Variants in DPYD observed in about 807,000 individuals in gnomAD.
DPYD encodes the protein dihydropyrimidine dehydrogenase, also known as dihydropyrimidine dehydrogenase [NADP(+)].
In DPYD, 109 loss-of-function variants were observed where a neutral mutation model predicts 116.2. The observed-to-expected ratio is 0.94, with a 90% CI of 0.80 to 1.10. The LOEUF is 1.10. Ranked by LOEUF, DPYD falls within the 50% of genes least tolerant of loss-of-function variation. The pLI is 0.00. For missense variants in DPYD, 1,302 were observed against 1,254.5 expected, an observed-to-expected ratio of 1.04 and a Z score of -0.57; for synonymous variants, 440 against 432.0, an observed-to-expected ratio of 1.02 and a Z score of -0.23.
intron 8 of DPYD, among the ~76,000 whole-genome samples, chr1:97,675,842 C>T (rs1179029630): frequency 1.3e-5 from 2 of 150,200 alleles, no homozygotes; most frequent in Non-Finnish European, 1.5e-5. Context: ...TCCACCTCCC[C>T]GGTTGAAGCG....
At chr1:97,412,819 C>T (rs1674084178) in intron 14 of DPYD, among the ~76,000 whole-genome samples, 1 of 152,086 alleles carries the variant, frequency 6.6e-6, no homozygotes, top group Non-Finnish European at 1.5e-5. Context: ...GGTTCAGAAC[C>T]TTCTGAATTA....
At chr1:97,161,757 T>G (rs1272392761) in intron 20 of DPYD, among the ~76,000 whole-genome samples, 1 of 126,442 alleles carries the variant, frequency 7.9e-6, no homozygotes, top group Admixed American at 9.1e-5. Flanking sequence ...GAGTGTGATG[T>G]TCCCCTTCCT....
chr1:97,273,478 C>A (rs1478437011), intron 18 of DPYD, among the ~76,000 whole-genome samples: 2 of 152,166 alleles, frequency 1.3e-5, no homozygotes, highest in Non-Finnish European at 2.9e-5. Flanking sequence ...ATACTGACTG[C>A]AAAATGGCAG....
intron 14 of DPYD, among the ~76,000 whole-genome samples, chr1:97,439,032 A>G (rs1426819564): frequency 6.6e-6 from 1 of 152,066 alleles, no homozygotes; most frequent in Non-Finnish European, 1.5e-5. Context: ...ACCCTTCATC[A>G]AGTTAAGGAA....
intron 13 of DPYD, among the ~76,000 whole-genome samples, chr1:97,489,824 T>C (rs1396290460): frequency 1.3e-5 from 2 of 152,204 alleles, no homozygotes; most frequent in Non-Finnish European, 2.9e-5. Flanking sequence ...CAAAGTCCCA[T>C]AGCTAATAAA....
intron 1 of DPYD, among the ~76,000 whole-genome samples, chr1:97,892,995 T>C (rs943055717): frequency 4.6e-5 from 7 of 151,772 alleles, no homozygotes; most frequent in Admixed American, 1.3e-4. Flanking sequence ...ACTTACCCCA[T>C]AGGGTTGTTG....
intron 13 of DPYD, among the ~76,000 whole-genome samples, chr1:97,451,484 T>G (rs1244617846): frequency 6.6e-6 from 1 of 152,210 alleles, no homozygotes; most frequent in Non-Finnish European, 1.5e-5. Flanking sequence ...AATATGTACA[T>G]TTTAACTTAT....
chr1:97,721,391 G>T, intron 5 of DPYD, 119 bp downstream of exon 5: 1 of 1,212,762 alleles, frequency 8.2e-7, no homozygotes, highest in Non-Finnish European at 1.2e-6. Context: ...AAACATACTT[G>T]AGCTGTGTGT....
At chr1:97,286,415 A>G (rs1489981287) in intron 18 of DPYD, among the ~76,000 whole-genome samples, 1 of 151,770 alleles carries the variant, frequency 6.6e-6, no homozygotes, top group African/African-American at 2.4e-5. Flanking sequence ...TGCTCTTCTC[A>G]AGGAGTATCT....
chr1:97,534,665 G>A (rs1026245886), intron 12 of DPYD, among the ~76,000 whole-genome samples: 4 of 151,842 alleles, frequency 2.6e-5, no homozygotes, highest in African/African-American at 4.8e-5. Context: ...ATTCTTCTGA[G>A]TAAATTATCT....
At chr1:97,912,763 C>G (rs72981734) in intron 1 of DPYD, among the ~76,000 whole-genome samples, 2,832 of 152,106 alleles carry the variant, frequency 0.019, 92 homozygotes, top group African/African-American at 0.065. Context: ...ACACACGTTA[C>G]CCCTAGAGAT....
chr1:97,815,377 T>C (rs1036265373), intron 3 of DPYD, among the ~76,000 whole-genome samples: 2 of 152,180 alleles, frequency 1.3e-5, no homozygotes, highest in African/African-American at 4.8e-5. Flanking sequence ...TGTCCTATAA[T>C]ATGTCAATAT....
chr1:97,286,194 G>C (rs1221325983), intron 18 of DPYD, among the ~76,000 whole-genome samples: 2 of 152,058 alleles, frequency 1.3e-5, no homozygotes, highest in African/African-American at 4.8e-5. Context: ...AGTTTGGCTG[G>C]ATATGAAATT....
At chr1:97,716,373 T>C (rs990806003) in intron 5 of DPYD, among the ~76,000 whole-genome samples, 1 of 151,956 alleles carries the variant, frequency 6.6e-6, no homozygotes, top group Admixed American at 6.6e-5. Flanking sequence ...TATATAAAAA[T>C]ATAAAACTGT....
At chr1:97,323,254 T>TATATACATGTGTATATGTACACGTA (rs1491230922) in intron 16 of DPYD, among the ~76,000 whole-genome samples, 1 of 98,148 alleles carries the variant, frequency 1.0e-5, no homozygotes, top group Admixed American at 1.1e-4. Flanking sequence ...ATTTATATAC[T>TATATACATGTGTATATGTACACGTA]TATATACATA....
At chr1:97,904,286 G>T (rs891143132) in intron 1 of DPYD, among the ~76,000 whole-genome samples, 1 of 151,980 alleles carries the variant, frequency 6.6e-6, no homozygotes, top group African/African-American at 2.4e-5. Context: ...ATTCAGAAAT[G>T]ATTATACAGG....
At chr1:97,815,232 T>C (rs1290290618) in intron 3 of DPYD, among the ~76,000 whole-genome samples, 1 of 152,104 alleles carries the variant, frequency 6.6e-6, no homozygotes, top group Non-Finnish European at 1.5e-5. Flanking sequence ...AAAGCTGAAG[T>C]TTTTTTAGGG....
intron 2 of DPYD, among the ~76,000 whole-genome samples, chr1:97,831,412 A>G (rs1203725534): frequency 3.9e-5 from 6 of 152,196 alleles, no homozygotes; most frequent in Non-Finnish European, 8.8e-5. Context: ...CCTCCAATCA[A>G]AATCTGTTCT....
chr1:97,394,046 C>T (rs755508155), intron 14 of DPYD: 7 of 152,066 alleles, frequency 4.6e-5, no homozygotes, highest in African/African-American at 7.2e-5. Context: ...TGGCTGGTGA[C>T]GATGAGCATC....
Sources: gnomAD v4.1 joint callset for allele counts (sites outside exome capture counted in the v4.1 genomes callset) on GRCh38, gnomAD v4.1.1 for gene constraint, MANE v1.5 for transcripts, NCBI Gene and HGNC (gene_info 2026-07-23, HGNC 2026-07-21) for gene names.